The following HS3ST4 variants were observed in gnomAD, a reference collection of about 807,000 sequenced individuals.
HS3ST4 encodes heparan sulfate-glucosamine 3-sulfotransferase 4.
Under a neutral mutation model 29.2 loss-of-function variants are expected in HS3ST4, and 17 were observed. The ratio of observed to expected loss-of-function variants is 0.58; its 90% CI spans 0.40 to 0.87. The LOEUF (loss-of-function observed/expected upper bound fraction) is 0.87, where lower values mean the gene tolerates loss of function less well. Among genes scored for constraint, HS3ST4 ranks in the 40% least tolerant of loss-of-function variants. The pLI is 0.00. For synonymous variants in HS3ST4, 314 were observed against 285.7 expected (o/e 1.10, Z -1.00); for missense variants, 627 against 634.5 (o/e 0.99, Z 0.13).
chr16:25,871,919 AT>A (rs1967757564), intron 1 of HS3ST4, among the ~76,000 whole-genome samples: 3 of 149,644 alleles, frequency 2.0e-5, no homozygotes, highest in Non-Finnish European at 3.0e-5. Flanking sequence ...GAACAAGAAT[AT>A]GAGGCTGTAG....
intron 1 of HS3ST4, among the ~76,000 whole-genome samples, chr16:25,858,510 A>G (rs879574984): frequency 6.6e-6 from 1 of 152,170 alleles, no homozygotes; most frequent in Admixed American, 6.5e-5. Flanking sequence ...CAAAGTTAAC[A>G]CATATCCTAT....
At chr16:25,879,767 A>C (rs1021996845) in intron 1 of HS3ST4, among the ~76,000 whole-genome samples, 3 of 152,192 alleles carry the variant, frequency 2.0e-5, no homozygotes, top group Non-Finnish European at 4.4e-5. Flanking sequence ...ACACATACCC[A>C]AGACTGGGTA....
chr16:25,703,111 A>T (rs2141581455), intron 1 of HS3ST4, among the ~76,000 whole-genome samples: 1 of 152,178 alleles, frequency 6.6e-6, no homozygotes, highest in Non-Finnish European at 1.5e-5. Flanking sequence ...TTGAGCCGAG[A>T]TTGCACCACT....
chr16:25,974,435 A>G (rs1968925183), intron 1 of HS3ST4, among the ~76,000 whole-genome samples: 1 of 152,178 alleles, frequency 6.6e-6, no homozygotes, highest in African/African-American at 2.4e-5. Context: ...TTGTGTTGAA[A>G]TTGAGGCTTA....
At chr16:25,927,588 G>A (rs931023781) in intron 1 of HS3ST4, among the ~76,000 whole-genome samples, 1 of 152,068 alleles carries the variant, frequency 6.6e-6, no homozygotes, top group African/African-American at 2.4e-5. Flanking sequence ...AAATGAAGTG[G>A]ACCCAACATA....
At chr16:26,044,889 C>T (rs1370014686) in intron 1 of HS3ST4, among the ~76,000 whole-genome samples, 4 of 152,090 alleles carry the variant, frequency 2.6e-5, no homozygotes, top group Non-Finnish European at 5.9e-5. Flanking sequence ...CCTGTGGTCA[C>T]CGGCACCAGA....
At chr16:25,741,797 G>A (rs567853759) in intron 1 of HS3ST4, among the ~76,000 whole-genome samples, 1 of 152,196 alleles carries the variant, frequency 6.6e-6, no homozygotes, top group Non-Finnish European at 1.5e-5. Context: ...CCTTATACCA[G>A]TAAGGACACC....
At chr16:26,124,006 C>T (rs1310708825) in intron 1 of HS3ST4, among the ~76,000 whole-genome samples, 1 of 151,766 alleles carries the variant, frequency 6.6e-6, no homozygotes, top group African/African-American at 2.4e-5. Flanking sequence ...CCGCAACTTG[C>T]GGCTCCCGGG....
intron 1 of HS3ST4, among the ~76,000 whole-genome samples, chr16:26,028,097 AC>A (rs1969493608): frequency 6.6e-6 from 1 of 152,038 alleles, no homozygotes; most frequent in South Asian, 2.1e-4. Context: ...ACATGGTGAA[AC>A]CCTGTCTCTA....
chr16:25,859,711 G>T (rs1367717667), intron 1 of HS3ST4, among the ~76,000 whole-genome samples: 1 of 152,162 alleles, frequency 6.6e-6, no homozygotes, highest in South Asian at 2.1e-4. Flanking sequence ...GACCTTAAAA[G>T]ACACCTCACC....
chr16:25,696,223 C>T (rs1439241251), intron 1 of HS3ST4, among the ~76,000 whole-genome samples: 3 of 152,132 alleles, frequency 2.0e-5, no homozygotes, highest in Non-Finnish European at 4.4e-5. Flanking sequence ...CCCTCCATGC[C>T]CTCTTCCCTC....
intron 1 of HS3ST4, among the ~76,000 whole-genome samples, chr16:25,908,592 C>T (rs1567269990): frequency 6.6e-6 from 1 of 152,160 alleles, no homozygotes; most frequent in Non-Finnish European, 1.5e-5. Flanking sequence ...ACATTTCAGG[C>T]ATGAGGCTGG....
chr16:25,756,052 TA>T (rs1299845294), intron 1 of HS3ST4, among the ~76,000 whole-genome samples: 5 of 152,016 alleles, frequency 3.3e-5, no homozygotes, highest in African/African-American at 1.2e-4. Flanking sequence ...CCTTGATCTT[TA>T]ATATGCAAAC....
intron 1 of HS3ST4, among the ~76,000 whole-genome samples, chr16:25,749,573 A>T (rs1420118978): frequency 6.6e-6 from 1 of 152,056 alleles, no homozygotes; most frequent in Non-Finnish European, 1.5e-5. Context: ...AAGAGGAAGA[A>T]GAAGAAGAAG....
intron 1 of HS3ST4, among the ~76,000 whole-genome samples, chr16:26,110,287 T>TA (rs1442948319): frequency 2.0e-5 from 3 of 152,198 alleles, no homozygotes; most frequent in Non-Finnish European, 4.4e-5. Flanking sequence ...ATGGTATACA[T>TA]ACATCACATT....
intron 1 of HS3ST4, among the ~76,000 whole-genome samples, chr16:25,824,297 G>A (rs1001710890): frequency 1.3e-5 from 2 of 152,160 alleles, no homozygotes; most frequent in South Asian, 2.1e-4. Context: ...CCAGATATGG[G>A]ACATTGCCAG....
intron 1 of HS3ST4, among the ~76,000 whole-genome samples, chr16:25,855,311 A>T (rs750667055): frequency 1.7e-4 from 26 of 152,134 alleles, no homozygotes; most frequent in Non-Finnish European, 3.8e-4. Flanking sequence ...TAGGTGGTAA[A>T]TGTCTCCTTT....
At chr16:25,882,285 G>T (rs1191129934) in intron 1 of HS3ST4, among the ~76,000 whole-genome samples, 1 of 152,196 alleles carries the variant, frequency 6.6e-6, no homozygotes, top group Non-Finnish European at 1.5e-5. Context: ...GATTTCTGGA[G>T]TATGGAGTCC....
At position 25,953,870 on chromosome 16, in the gene HS3ST4, G is replaced by A. The variant is rs192766288; in HGVS notation, c.735-181742G>A. On this transcript the variant is annotated intron_variant, in intron 1 of 1. Coordinates refer to ENST00000331351, the MANE Select transcript of HS3ST4 (RefSeq NM_006040.3). The stretch of plus-strand genomic sequence containing the variant: ...ACTTCAGAGTTGTCCACCTTGAAAG[G>A]TGAGGGAGCTGGGGTATTTATACAC... Among the ~76,000 whole-genome samples the A allele has an allele frequency of 6.2e-4, 95 of 152,292 alleles. 1 individual carries two copies. Among genetic ancestry groups the A allele is most frequent in the East Asian group, 2.1e-3 (11 of 5,172 alleles).
Sources: gnomAD v4.1 joint callset for allele counts (sites outside exome capture counted in the v4.1 genomes callset) on GRCh38, gnomAD v4.1.1 for gene constraint, MANE v1.5 for transcripts, NCBI Gene and HGNC (gene_info 2026-07-23, HGNC 2026-07-21) for gene names.